Variants in SLC22A14 observed in about 807,000 individuals in gnomAD.
SLC22A14 encodes the protein organic cation transporter-like 4.
In SLC22A14, 50 loss-of-function variants were observed where a neutral mutation model predicts 53.9. The observed-to-expected ratio is 0.93, with a 90% CI of 0.74 to 1.17. SLC22A14 has a LOEUF of 1.17. Among genes scored for constraint, SLC22A14 ranks in the 50% most tolerant of loss-of-function variants. SLC22A14 has a pLI of 0.00. For missense variants in SLC22A14, 671 were observed against 734.7 expected (o/e 0.91, Z 1.00); for synonymous variants, 312 against 303.0 (o/e 1.03, Z -0.31).
intron 4 of SLC22A14, 36 bp from the exon 5 acceptor site, chr3:38,308,918 C>A (rs763072526): frequency 1.9e-6 from 3 of 1,601,968 alleles, no homozygotes; most frequent in Admixed American, 3.4e-5. Context: ...GGGACCCTGA[C>A]GTAACCATGG....
Position 38,307,526 on chromosome 3 carries a change from G to C in SLC22A14, c.621-40G>C, listed in dbSNP as rs375201808. Reference sequence around the variant, plus strand: ...GTATCCGGCTGGGGCCAGCCCGGGAGATCCCGGCACTTGGTGCAGCCTCCC... The same window carrying C: ...GTATCCGGCTGGGGCCAGCCCGGGACATCCCGGCACTTGGTGCAGCCTCCC... On this transcript the variant is annotated intron_variant, in intron 3 of 10. Coordinates refer to ENST00000448498, the MANE Select transcript of SLC22A14 (RefSeq NM_001320033.2). The surrounding 1 kb of genome is among the most constrained non-coding windows in gnomAD (Gnocchi z 4.4). The C allele has an allele frequency of 6.2e-7, 1 of 1,606,994 alleles. No homozygotes were observed. The highest frequency in any genetic ancestry group is 8.5e-7 in the Non-Finnish European group (1 of 1,176,246).
intron 10 of SLC22A14, 35 bp from the exon 11 acceptor site, chr3:38,318,163 G>A (rs1575428169): frequency 1.9e-6 from 3 of 1,598,880 alleles, no homozygotes; most frequent in Middle Eastern, 1.7e-4. Flanking sequence ...CCAGAAAGAT[G>A]TGGCCCTGGA....
intron 1 of SLC22A14, among the ~76,000 whole-genome samples, chr3:38,287,667 C>A (rs1282253496): frequency 6.6e-6 from 1 of 152,096 alleles, no homozygotes; most frequent in African/African-American, 2.4e-5. Context: ...TCTTATTATT[C>A]TTCAGAATTT....
rs371802519 is a variant in SLC22A14 at position 38,313,796 on chromosome 3, C to A, written c.1233C>A (p.Phe411Leu). ...RMRELGVSVHFRHVVPSIMEV... is the reference protein window; with the variant it reads ...RMRELGVSVHLRHVVPSIMEV... ...GAGAGCTGGGCGTGAGCGTCCACTT[C>A]AGACACGTGGTCCCCAGCATCATGG... Residue 411 changes from phenylalanine (F) to leucine (L), a missense_variant, in exon 8 of 11, where the codon TTC becomes TTA. Transcript: ENST00000448498. 2.5e-6 allele frequency: 4 copies of A among 1,610,644 alleles called. No homozygotes were observed. Among genetic ancestry groups the A allele is most frequent in the Non-Finnish European group, 2.5e-6 (3 of 1,178,582 alleles).
intron 7 of SLC22A14, 90 bp downstream of exon 7, chr3:38,313,575 G>C (rs1704533658): frequency 2.8e-6 from 3 of 1,059,438 alleles, no homozygotes; most frequent in African/African-American, 1.6e-5. Context: ...AGGCTGCAGG[G>C]GAGGCAGCCC....
intron 5 of SLC22A14, 21 bp downstream of exon 5, chr3:38,309,143 C>T (rs747777304): frequency 7.5e-6 from 12 of 1,604,474 alleles, no homozygotes; most frequent in Non-Finnish European, 1.0e-5. Context: ...GAGTACCGGG[C>T]ATGTACAGGG....
chr3:38,317,024 C>T (rs964685015), intron 10 of SLC22A14, among the ~76,000 whole-genome samples: 1 of 152,394 alleles, frequency 6.6e-6, no homozygotes, highest in Middle Eastern at 3.4e-3. Flanking sequence ...CACCCAACAC[C>T]TCCATGGGCA....
At chr3:38,281,004 A>T (rs897487211), upstream of SLC22A14, among the ~76,000 whole-genome samples, 1 of 152,228 alleles carries the variant, frequency 6.6e-6, no homozygotes, top group African/African-American at 2.4e-5. Flanking sequence ...AGTCTCACTG[A>T]TGGCTTCTGG....
chr3:38,293,566 CAG>C (rs552538059), intron 1 of SLC22A14, among the ~76,000 whole-genome samples: 3 of 152,334 alleles, frequency 2.0e-5, no homozygotes, highest in Admixed American at 1.3e-4. Flanking sequence ...AGTCAGGTGA[CAG>C]GGAGGTATGC....
chr3:38,293,671 C>T (rs891111809), intron 1 of SLC22A14, among the ~76,000 whole-genome samples: 1 of 152,150 alleles, frequency 6.6e-6, no homozygotes, highest in Non-Finnish European at 1.5e-5. Context: ...AATTCACAGG[C>T]TTCTTTCTAG....
intron 1 of SLC22A14, among the ~76,000 whole-genome samples, chr3:38,289,748 G>T (rs190572681): frequency 6.6e-6 from 1 of 152,238 alleles, no homozygotes; most frequent in African/African-American, 2.4e-5. Context: ...TGCCAGATCC[G>T]GAGGGGTGGA....
intron 10 of SLC22A14, among the ~76,000 whole-genome samples, chr3:38,317,808 A>C (rs111790269): frequency 1.1e-3 from 175 of 152,332 alleles, no homozygotes; most frequent in African/African-American, 4.1e-3. Context: ...TTCTGTCACT[A>C]TCCCCATTTT....
At chr3:38,301,868 CATG>C (rs937937299) in intron 1 of SLC22A14, among the ~76,000 whole-genome samples, 47 of 151,728 alleles carry the variant, frequency 3.1e-4, no homozygotes, top group African/African-American at 1.1e-3. Flanking sequence ...CATCTATAAA[CATG>C]ATCATATGGT....
intron 8 of SLC22A14, among the ~76,000 whole-genome samples, chr3:38,314,610 G>GT (rs1477590745): frequency 1.3e-5 from 2 of 152,194 alleles, no homozygotes; most frequent in African/African-American, 4.8e-5. Flanking sequence ...ACTGCCTGCG[G>GT]AGCCCTTTCA....
chr3:38,294,619 C>T (rs553992997), intron 1 of SLC22A14, among the ~76,000 whole-genome samples: 3 of 152,246 alleles, frequency 2.0e-5, no homozygotes, highest in South Asian at 2.1e-4. Flanking sequence ...AGTCCTAGAG[C>T]GTCCTCTATG....
chr3:38,316,662 A>G (rs1704631952), intron 10 of SLC22A14, 138 bp downstream of exon 10: 9 of 745,900 alleles, frequency 1.2e-5, no homozygotes, highest in Non-Finnish European at 1.7e-5. Context: ...TGTCCGCAGC[A>G]GTCTCTCCGC....
intron 1 of SLC22A14, among the ~76,000 whole-genome samples, chr3:38,288,317 C>A (rs1024880185): frequency 1.3e-5 from 2 of 152,194 alleles, no homozygotes; most frequent in African/African-American, 4.8e-5. Flanking sequence ...ACCACACTTT[C>A]TTTATCCATT....
intron 1 of SLC22A14, among the ~76,000 whole-genome samples, chr3:38,293,853 T>C (rs912660862): frequency 8.5e-5 from 13 of 152,178 alleles, no homozygotes; most frequent in Non-Finnish European, 1.6e-4. Flanking sequence ...ATACCAGAGA[T>C]CGCCAAACTC....
chr3:38,279,590 T>G (rs1575393696), upstream of SLC22A14, among the ~76,000 whole-genome samples: 1 of 152,178 alleles, frequency 6.6e-6, no homozygotes, highest in Admixed American at 6.5e-5. Context: ...CCCTGGAGAC[T>G]TTTTCTTTCC....
Sources: allele counts gnomAD v4.1 joint callset (sites outside exome capture counted in the v4.1 genomes callset), GRCh38; gene constraint gnomAD v4.1.1; non-coding constraint Gnocchi (gnomAD v3.1); transcripts MANE v1.5; gene names NCBI Gene and HGNC (gene_info 2026-07-23, HGNC 2026-07-21).